Variants in MGAT4C observed in about 807,000 individuals in gnomAD.
The protein encoded by MGAT4C is MGAT4 family member C.
MGAT4C carries 19 observed loss-of-function variants against 40.1 expected under a neutral mutation model. That is an observed-to-expected ratio of 0.47 (90% CI 0.33 to 0.70). The LOEUF is 0.70. Ranked by LOEUF, MGAT4C falls within the 30% of genes least tolerant of loss-of-function variation. The pLI, the probability that MGAT4C is intolerant of heterozygous loss-of-function variation, is 0.02. For synonymous variants in MGAT4C, 181 were observed against 187.1 expected (o/e 0.97, Z 0.27); for missense variants, 491 against 563.2 (o/e 0.87, Z 1.30).
chr12:86,422,054 T>C (rs915926004), intron 3 of MGAT4C, among the ~76,000 whole-genome samples: 2 of 152,116 alleles, frequency 1.3e-5, no homozygotes, highest in African/African-American at 4.8e-5. Flanking sequence ...AATTGAGGCT[T>C]AGAAATGGAG....
At position 86,632,732 on chromosome 12, in the gene MGAT4C, G is replaced by A. The variant is rs1260603190; in HGVS notation, c.-229+94477C>T. On this transcript the variant is annotated intron_variant, in intron 2 of 7. Transcript: ENST00000548651. ...TGAGAACAGTTGGACACAGGGTGTG[G>A]AACATCACACACTGGGGCCTGTTGT... Among the ~76,000 whole-genome samples the A allele has an allele frequency of 4.1e-5, 5 of 122,824 alleles. No homozygotes were observed. In the Admixed American group the frequency reaches 5.4e-4, roughly 13 times the overall value. 80.6% of individuals were successfully genotyped at this position (122,824 alleles called of 152,430 possible).
At chr12:86,262,026 G>A (rs536927431) in intron 4 of MGAT4C, among the ~76,000 whole-genome samples, 35 of 152,110 alleles carry the variant, frequency 2.3e-4, no homozygotes, top group Admixed American at 1.0e-3. Flanking sequence ...CATGCTTAGC[G>A]TTCCAATATT....
At position 86,119,715 on chromosome 12, in the gene MGAT4C, C is replaced by A. The variant is rs1879056713; in HGVS notation, c.-56-69992G>T. Among the ~76,000 whole-genome samples the A allele has an allele frequency of 3.3e-5, 5 of 149,530 alleles. No individual in the cohort carries two copies. The South Asian group carries it at 1.1e-3, about 32-fold the overall frequency. ...TGAGCCACTATGCCCGGCCCCCTCC[C>A]ACCATTCTTTTTTTTTTTTTTTTTT... On this transcript the variant is annotated intron_variant, in intron 1 of 4. Transcript: ENST00000611864.
chr12:86,318,007 A>G (rs1167530736), intron 4 of MGAT4C, among the ~76,000 whole-genome samples: 4 of 151,982 alleles, frequency 2.6e-5, no homozygotes, highest in Admixed American at 1.3e-4. Flanking sequence ...AAAGCAACAA[A>G]TTTAACTTAA....
Position 86,209,419 on chromosome 12 carries a change from A to G in MGAT4C, c.-57+46820T>C, listed in dbSNP as rs548574031. On this transcript the variant is annotated intron_variant, in intron 1 of 4. Coordinates refer to ENST00000611864, the MANE Select transcript of MGAT4C (RefSeq NM_001351288.2). ...TTGTTAGTCTAAGGAATTATTTTCT[A>G]TTAAGGAAAATATGAATATAAAAAG... is the stretch of plus-strand genomic sequence containing the variant. Among the ~76,000 whole-genome samples the G allele has an allele frequency of 4.3e-4, 66 of 152,276 alleles. 1 individual carries two copies. Among genetic ancestry groups the G allele is most frequent in the South Asian group, 1.7e-3 (8 of 4,834 alleles).
chr12:86,764,716 G>T (rs182774432), intron 1 of MGAT4C, among the ~76,000 whole-genome samples: 1 of 152,104 alleles, frequency 6.6e-6, no homozygotes, highest in South Asian at 2.1e-4. Context: ...AGGAAAATCC[G>T]CTGTTCTGCA....
At chr12:86,012,778 A>C (rs867082828) in intron 2 of MGAT4C, among the ~76,000 whole-genome samples, 55 of 136,450 alleles carry the variant, frequency 4.0e-4, no homozygotes, top group South Asian at 1.2e-3. Context: ...CAACAACAAC[A>C]ACCACCACCA....
intron 1 of MGAT4C, among the ~76,000 whole-genome samples, chr12:86,827,466 C>T (rs1952830149): frequency 6.6e-6 from 1 of 151,328 alleles, no homozygotes. Flanking sequence ...CAATAACTAC[C>T]AGGTCAGAAT....
chr12:86,560,426 A>T (rs1959807381), intron 2 of MGAT4C, among the ~76,000 whole-genome samples: 1 of 152,130 alleles, frequency 6.6e-6, no homozygotes, highest in African/African-American at 2.4e-5. Context: ...ACACATCAAA[A>T]AAAAATACAC....
intron 2 of MGAT4C, among the ~76,000 whole-genome samples, chr12:86,479,490 A>C (rs994632066): frequency 6.6e-6 from 1 of 151,920 alleles, no homozygotes; most frequent in Admixed American, 6.6e-5. Flanking sequence ...TAGGGTGGTC[A>C]AACTCTAAAA....
intron 2 of MGAT4C, among the ~76,000 whole-genome samples, chr12:86,510,987 A>G (rs924444985): frequency 2.0e-5 from 3 of 152,006 alleles, no homozygotes; most frequent in African/African-American, 4.8e-5. Context: ...TGCACCAAGC[A>G]GACCTAATAG....
chr12:86,631,891 T>C (rs575417513), intron 2 of MGAT4C, among the ~76,000 whole-genome samples: 128 of 151,952 alleles, frequency 8.4e-4, no homozygotes, highest in East Asian at 1.2e-3. Context: ...CAACAAAAGC[T>C]AAAATTGACA....
At chr12:86,713,319 C>T (rs1408700238) in intron 2 of MGAT4C, among the ~76,000 whole-genome samples, 3 of 151,918 alleles carry the variant, frequency 2.0e-5, no homozygotes, top group Admixed American at 6.6e-5. Flanking sequence ...TCTTTTTTCT[C>T]CCAAATGACA....
chr12:86,663,852 G>T (rs1252677209), intron 2 of MGAT4C, among the ~76,000 whole-genome samples: 1 of 152,090 alleles, frequency 6.6e-6, no homozygotes, highest in African/African-American at 2.4e-5. Context: ...AACTCAATTT[G>T]CTATTTCAAA....
At chr12:86,567,307 G>T (rs1960175901) in intron 2 of MGAT4C, among the ~76,000 whole-genome samples, 1 of 152,114 alleles carries the variant, frequency 6.6e-6, no homozygotes, top group African/African-American at 2.4e-5. Flanking sequence ...ATCAGAGGAA[G>T]AAATGCTGAC....
At chr12:86,265,193 C>G (rs1952756015) in intron 4 of MGAT4C, among the ~76,000 whole-genome samples, 1 of 152,078 alleles carries the variant, frequency 6.6e-6, no homozygotes, top group Non-Finnish European at 1.5e-5. Context: ...CCACGCCTGG[C>G]TCACCCATGT....
At chr12:86,604,980 C>T (rs1593036403) in intron 2 of MGAT4C, among the ~76,000 whole-genome samples, 1 of 151,976 alleles carries the variant, frequency 6.6e-6, no homozygotes, top group African/African-American at 2.4e-5. Flanking sequence ...CTTTCAAAGA[C>T]CACAGAATAC....
At chr12:86,584,732 C>A (rs1377036175) in intron 2 of MGAT4C, among the ~76,000 whole-genome samples, 1 of 151,178 alleles carries the variant, frequency 6.6e-6, no homozygotes, top group Non-Finnish European at 1.5e-5. Context: ...TGAGTGAAGT[C>A]CAATTTTATT....
chr12:86,558,002 A>G (rs1252800898), intron 2 of MGAT4C, among the ~76,000 whole-genome samples: 1 of 152,104 alleles, frequency 6.6e-6, no homozygotes, highest in East Asian at 1.9e-4. Context: ...TAAAAAATTA[A>G]ATAAAGATAT....
Sources: allele counts gnomAD v4.1 joint callset (sites outside exome capture counted in the v4.1 genomes callset), GRCh38; gene constraint gnomAD v4.1.1; transcripts MANE v1.5; gene names NCBI Gene and HGNC (gene_info 2026-07-23, HGNC 2026-07-21).